Variants in PRRC2C observed in about 807,000 individuals in gnomAD.
PRRC2C encodes the protein proline rich coiled-coil 2C, also known as protein PRRC2C.
Under a neutral mutation model 317.2 loss-of-function variants are expected in PRRC2C, and 72 were observed. That is an observed-to-expected ratio of 0.23 (90% CI 0.19 to 0.28). The LOEUF is 0.28. PRRC2C is among the 10% of genes least tolerant of loss of function. The pLI is 1.00. For missense variants in PRRC2C, 3,074 were observed against 3,459.7 expected, an observed-to-expected ratio of 0.89 and a Z score of 2.80; for synonymous variants, 1,296 against 1,205.9, an observed-to-expected ratio of 1.07 and a Z score of -1.55.
intron 16 of PRRC2C, 124 bp downstream of exon 16, chr1:171,542,353 A>G (rs943704961): frequency 1.2e-5 from 11 of 912,062 alleles, no homozygotes; most frequent in Admixed American, 3.1e-5. Flanking sequence ...TTCTTCCCAA[A>G]TGCTTTATTC....
At position 171,532,523 on chromosome 1, in the gene PRRC2C, A is replaced by T. The variant is rs14798; in HGVS notation, c.1435A>T (p.Arg479Trp). Residue 479 changes from arginine to tryptophan, a missense_variant, in exon 12 of 35, where the codon AGG becomes TGG. Transcript: ENST00000647382. ...GGAAGAGCGAAGAATGGAAGAACAA[A>T]GGAAGGCAGCTTGTGCGGAGAAACT... ...EEEERRMEEQRKAACAEKLKR... is the reference protein window; with the variant it reads ...EEEERRMEEQWKAACAEKLKR... The T allele has an allele frequency of 6.2e-7, 1 of 1,604,826 alleles. No individual in the cohort carries two copies. The highest frequency in any genetic ancestry group is 1.7e-5 in the Admixed American group (1 of 58,198).
Position 171,540,654 on chromosome 1 carries a change from C to T in PRRC2C, c.3188C>T (p.Pro1063Leu), listed in dbSNP as rs760728996. 8.1e-6 allele frequency: 13 copies of T among 1,613,762 alleles called. No homozygotes were observed. Among genetic ancestry groups the T allele is most frequent in the East Asian group, 2.2e-5 (1 of 44,888 alleles). ...ACGGAAAAGAAGGATCTTCCTCCTC[C>T]CCCACCACCACCTCAGCCACCAGCA... ...EKTEKKDLPP[P>L]PPPPQPPAPI... The change falls in exon 16 of 35, where the codon CCC becomes CTC. Residue 1063 changes from proline (P) to leucine (L), a missense_variant. Pro to Leu is a moderately conservative substitution (Grantham distance 98). Transcript: ENST00000647382.
intron 19 of PRRC2C, among the ~76,000 whole-genome samples, chr1:171,559,505 GTTTGTTTTT>G (rs796725880): frequency 0.063 from 5,994 of 94,814 alleles, 1,178 homozygotes; most frequent in South Asian, 0.082. Flanking sequence ...GGCATACCAA[GTTTGTTTTT>G]TTTTTTTTTT....
intron 6 of PRRC2C, among the ~76,000 whole-genome samples, chr1:171,518,502 T>TCAATTTTTTTTCAATTTTTTTTCAA (rs368649847): frequency 1.8e-5 from 2 of 109,594 alleles, no homozygotes; most frequent in Non-Finnish European, 2.0e-5. Context: ...CAATTTTTTT[T>TCAATTTTTTTTCAATTTTTTTTCAA]TTTTTTTTTT....
At chr1:171,551,783 G>A (rs575646985) in intron 18 of PRRC2C, among the ~76,000 whole-genome samples, 5 of 152,190 alleles carry the variant, frequency 3.3e-5, no homozygotes, top group African/African-American at 1.2e-4. Flanking sequence ...GATGGGTGGT[G>A]TTATTTCTGA....
intron 33 of PRRC2C, among the ~76,000 whole-genome samples, chr1:171,588,796 G>A (rs564448542): frequency 3.3e-5 from 5 of 152,260 alleles, no homozygotes; most frequent in East Asian, 1.9e-4. Flanking sequence ...ACTTTTCAGC[G>A]AAGGGTCCCA....
intron 19 of PRRC2C, among the ~76,000 whole-genome samples, chr1:171,558,987 G>A (rs1682020025): frequency 6.6e-6 from 1 of 152,200 alleles, no homozygotes; most frequent in South Asian, 2.1e-4. Context: ...GGTCAATCCA[G>A]ACACAACATT....
chr1:171,504,265 A>T lies in PRRC2C; in HGVS notation c.-57-7767A>T, dbSNP rs560950907. ...TCTAGTTTGTCCTTTAGTTCTCAACATTATCTTTCAAAAAGCAAAAGTCCA... is the reference window on the plus strand; with the variant it reads ...TCTAGTTTGTCCTTTAGTTCTCAACTTTATCTTTCAAAAAGCAAAAGTCCA... On this transcript the variant is annotated intron_variant, in intron 1 of 34. Coordinates refer to ENST00000647382, the MANE Select transcript of PRRC2C (RefSeq NM_001387844.1). Among the ~76,000 whole-genome samples the T allele has an allele frequency of 9.2e-5, 14 of 152,286 alleles. No homozygotes were observed. In the South Asian group the frequency reaches 2.5e-3, roughly 27 times the overall value.
In PRRC2C at chr1:171,566,180, A is replaced by G. The variant is rs1041479204; in HGVS notation, c.6118-53A>G. The G allele has an allele frequency of 5.6e-6, 8 of 1,431,256 alleles. No homozygotes were observed. The African/African-American group carries it at 8.5e-5, about 15-fold the overall frequency. 88.7% of individuals were successfully genotyped at this position (1,431,256 alleles called of 1,614,324 possible). On this transcript the variant is annotated intron_variant, in intron 20 of 34. Coordinates refer to ENST00000647382, the MANE Select transcript of PRRC2C (RefSeq NM_001387844.1). ...TAAACTGTATAGTGCTTCATAAATC[A>G]GTCACATCTGAACTATACTTTGCAA...
chr1:171,550,069 C>T lies in PRRC2C; in HGVS notation c.4973-17C>T. ...TGAAAAACAGAAAATATCTTAAATC[C>T]TTTCCCACACCCACAGGTGTTGTTA... On this transcript the variant is annotated splice_polypyrimidine_tract_variant and intron_variant, in intron 17 of 34. Coordinates refer to ENST00000647382, the MANE Select transcript of PRRC2C (RefSeq NM_001387844.1). 2 of 1,544,456 alleles carry T rather than the reference C, an allele frequency of 1.3e-6. No individual in the cohort carries two copies. The highest frequency in any genetic ancestry group is 1.7e-6 in the Non-Finnish European group (2 of 1,146,598).
At chr1:171,575,550 T>C (rs1170265478) in intron 25 of PRRC2C, among the ~76,000 whole-genome samples, 2 of 152,230 alleles carry the variant, frequency 1.3e-5, no homozygotes, top group Non-Finnish European at 2.9e-5. Flanking sequence ...ATGTAATTCA[T>C]TGGATTTGGC....
At chr1:171,570,623 A>G (rs1038825851) in intron 23 of PRRC2C, among the ~76,000 whole-genome samples, 1 of 152,224 alleles carries the variant, frequency 6.6e-6, no homozygotes. Context: ...AGATCCAGAG[A>G]TAAAGGCAGT....
chr1:171,529,069 C>T (rs953898565), intron 11 of PRRC2C, among the ~76,000 whole-genome samples: 8 of 152,174 alleles, frequency 5.3e-5, no homozygotes, highest in Admixed American at 4.6e-4. Context: ...GAATTACAGA[C>T]TTGAGCCACC....
chr1:171,578,728 C>T (rs995691826), intron 26 of PRRC2C, among the ~76,000 whole-genome samples: 1 of 151,912 alleles, frequency 6.6e-6, no homozygotes, highest in African/African-American at 2.4e-5. Context: ...ATTGGTTGGG[C>T]GTGGTGGCGC....
Position 171,574,968 on chromosome 1 carries a change from A to T in PRRC2C, c.6795A>T (p.Val2265=), listed in dbSNP as rs551207243. The T allele has an allele frequency of 5.8e-5, 93 of 1,613,884 alleles. 2 individuals carry two copies. The South Asian group carries it at 1.0e-3, about 17-fold the overall frequency. ...AAGCATGGGAGAATTCTCCAAATGT[A>T]AGGGAAAAGGGGTCTCCAGTAACTT... The part of the protein sequence containing the change: ...ARKAWENSPN[V]REKGSPVTST... The change falls in exon 25 of 35, where the codon GTA becomes GTT. Residue 2265 remains valine (V), a synonymous_variant. Transcript: ENST00000647382.
At position 171,566,664 on chromosome 1, in the gene PRRC2C, A is replaced by G; in HGVS notation, c.6379A>G (p.Asn2127Asp). The G allele has an allele frequency of 6.2e-7, 1 of 1,611,056 alleles. No individual in the cohort carries two copies. The highest frequency in any genetic ancestry group is 8.5e-7 in the Non-Finnish European group (1 of 1,178,378). Reference sequence around the variant, plus strand: ...CATTGGAAAGGAACGTTCATTAAAAAATAGAAAAGTAAAAGATGCCCAACA... The same window carrying G: ...CATTGGAAAGGAACGTTCATTAAAAGATAGAAAAGTAAAAGATGCCCAACA... ...GPIGKERSLK[N>D]RKVKDAQQVE... is the part of the protein sequence containing the mutation. Residue 2127 changes from asparagine (N) to aspartate (D), a missense_variant, in exon 22 of 35, where the codon AAT becomes GAT. This residue lies in a region of PRRC2C where 640 missense variants were observed against 676.1 expected (regional missense o/e 0.95). Coordinates refer to ENST00000647382, the MANE Select transcript of PRRC2C (RefSeq NM_001387844.1).
intron 11 of PRRC2C, among the ~76,000 whole-genome samples, chr1:171,531,368 A>C (rs1355742040): frequency 6.6e-6 from 1 of 152,212 alleles, no homozygotes; most frequent in Non-Finnish European, 1.5e-5. Flanking sequence ...TTAGGCACTA[A>C]TATATTTGGT....
At chr1:171,558,741 A>G (rs1044530648) in intron 19 of PRRC2C, among the ~76,000 whole-genome samples, 2 of 152,054 alleles carry the variant, frequency 1.3e-5, no homozygotes, top group Non-Finnish European at 1.5e-5. Context: ...GAACACAACA[A>G]TGTTGAAATT....
intron 1 of PRRC2C, chr1:171,510,356 G>T (rs1671103813): frequency 6.6e-6 from 1 of 152,100 alleles, no homozygotes; most frequent in Admixed American, 6.5e-5. Flanking sequence ...CAAGATTTCA[G>T]GATTCTTAGT....
Sources: allele counts gnomAD v4.1 joint callset (sites outside exome capture counted in the v4.1 genomes callset), GRCh38; gene constraint gnomAD v4.1.1; regional missense constraint gnomAD v4.1.1; transcripts MANE v1.5; gene names NCBI Gene and HGNC (gene_info 2026-07-23, HGNC 2026-07-21).